Variants in ARID1A observed in about 807,000 individuals in gnomAD.
The protein encoded by ARID1A is AT-rich interaction domain 1A, also known as AT-rich interactive domain-containing protein 1A.
A neutral mutation model predicts 212.6 loss-of-function variants in ARID1A; 20 were observed. The ratio of observed to expected loss-of-function variants is 0.09; its 90% CI spans 0.07 to 0.14. The LOEUF (loss-of-function observed/expected upper bound fraction) is 0.14. Ranked by LOEUF, ARID1A falls within the 10% of genes least tolerant of loss-of-function variation. ARID1A has a pLI of 1.00. For synonymous variants in ARID1A, 1,376 were observed against 1,222.1 expected, an observed-to-expected ratio of 1.13 and a Z score of -2.63; for missense variants, 2,587 against 3,059.0, an observed-to-expected ratio of 0.85 and a Z score of 3.64.
At chr1:26,718,792 C>A (rs756359634) in intron 1 of ARID1A, among the ~76,000 whole-genome samples, 3 of 152,152 alleles carry the variant, frequency 2.0e-5, no homozygotes, top group Non-Finnish European at 2.9e-5. Context: ...CTGGCTGAAT[C>A]TGTGGATGCA....
chr1:26,714,778 A>G (rs908212787), intron 1 of ARID1A, among the ~76,000 whole-genome samples: 3 of 152,198 alleles, frequency 2.0e-5, no homozygotes, highest in Non-Finnish European at 2.9e-5. Flanking sequence ...TGTGCCTGCT[A>G]TAGTTCAGAG....
intron 1 of ARID1A, among the ~76,000 whole-genome samples, chr1:26,710,292 G>A (rs977764950): frequency 2.6e-5 from 4 of 151,376 alleles, no homozygotes; most frequent in East Asian, 2.0e-4. Flanking sequence ...AAATTAGCTA[G>A]GCGTGGTGGC....
In ARID1A at chr1:26,696,485, G is replaced by GAGC; in HGVS notation, c.92_94dup (p.Gln31dup). 1.6e-6 allele frequency: 2 copies of GAGC among 1,249,052 alleles called. No homozygotes were observed. Among genetic ancestry groups the GAGC allele is most frequent in the Non-Finnish European group, 2.0e-6 (2 of 999,518 alleles). The allele number at this position is 1,249,052 out of a possible 1,614,324, so 77.4% of individuals were successfully genotyped here. A position where few individuals can be genotyped will look rare whatever the true frequency, so the allele number is the denominator to read the frequency against. ...GCCGCCCTCGGAGCTGAAGAAAGCC[G>GAGC]AGCAGCAGCAGCGGGAGGAGGCGGG... On this transcript the variant is annotated inframe_insertion, in exon 1 of 20. Coordinates refer to ENST00000324856, the MANE Select transcript of ARID1A (RefSeq NM_006015.6).
intron 1 of ARID1A, among the ~76,000 whole-genome samples, chr1:26,704,054 A>G (rs946344484): frequency 3.9e-5 from 6 of 152,224 alleles, no homozygotes; most frequent in African/African-American, 1.4e-4. Context: ...TTGCCTTTTC[A>G]TAATGCTATT....
chr1:26,697,230 G>A lies in ARID1A; in HGVS notation c.827G>A (p.Gly276Glu), dbSNP rs2080276873. The change falls in exon 1 of 20, where the codon GGA becomes GAA. Residue 276 changes from glycine to glutamate, a missense_variant. Physicochemically the swap from Gly to Glu is moderately conservative, Grantham distance 98 (BLOSUM62 -2). Transcript: ENST00000324856. Reference protein sequence around the residue: ...FAQQRFGAMGGGGPSAAGGGT... With the variant: ...FAQQRFGAMGEGGPSAAGGGT... Reference sequence around the variant, plus strand: ...CAGCAGCGCTTCGGGGCCATGGGGGGAGGCGGCCCCTCCGCGGCCGGCGGG... The same window carrying A: ...CAGCAGCGCTTCGGGGCCATGGGGGAAGGCGGCCCCTCCGCGGCCGGCGGG... 1 of 1,376,506 alleles carries A rather than the reference G, an allele frequency of 7.3e-7. No individual in the cohort carries two copies. Among genetic ancestry groups the A allele is most frequent in the Non-Finnish European group, 9.3e-7 (1 of 1,071,524 alleles). The allele number at this position is 1,376,506 out of a possible 1,614,324, so 85.3% of individuals were successfully genotyped here. A position where few individuals can be genotyped will look rare whatever the true frequency, so the allele number is the denominator to read the frequency against.
chr1:26,781,895 A>G lies in ARID1A; in HGVS notation c.*1139A>G. The G allele has an allele frequency of 4.3e-6, 1 of 233,678 alleles. No homozygotes were observed. The highest frequency in any genetic ancestry group is 1.3e-3 in the Middle Eastern group (1 of 786). The allele number at this position is 233,678 out of a possible 1,614,324, so 14.5% of individuals were successfully genotyped here. On this transcript the variant is annotated 3_prime_UTR_variant, in exon 20 of 20. Coordinates refer to ENST00000324856, the MANE Select transcript of ARID1A (RefSeq NM_006015.6). ...TCTAATCGAGGTGTGAAAAAGTTCTAGGTTCAGTTGAAGTTCTGATGAAGA... is the reference window on the plus strand; with the variant it reads ...TCTAATCGAGGTGTGAAAAAGTTCTGGGTTCAGTTGAAGTTCTGATGAAGA...
intron 1 of ARID1A, among the ~76,000 whole-genome samples, chr1:26,699,615 T>C (rs2080312898): frequency 6.6e-6 from 1 of 152,212 alleles, no homozygotes; most frequent in Admixed American, 6.5e-5. Context: ...ACATTGTTTT[T>C]CTAGTGTCTG....
intron 4 of ARID1A, among the ~76,000 whole-genome samples, chr1:26,737,588 G>A (rs79099076): frequency 0.012 from 1,894 of 152,182 alleles, 38 homozygotes; most frequent in African/African-American, 0.044. Context: ...GCCCAGGCCC[G>A]AGCACGGTGC....
chr1:26,722,336 C>T (rs1332488591), intron 1 of ARID1A, among the ~76,000 whole-genome samples: 1 of 152,110 alleles, frequency 6.6e-6, no homozygotes, highest in African/African-American at 2.4e-5. Context: ...ACCTCTGCCT[C>T]CCAGGTTCAA....
chr1:26,724,674 T>G (rs188945241), intron 1 of ARID1A, among the ~76,000 whole-genome samples: 77 of 152,338 alleles, frequency 5.1e-4, no homozygotes, highest in African/African-American at 1.6e-3. Flanking sequence ...CAGCCGTTTT[T>G]GGGGGTCATT....
chr1:26,727,477 A>C (rs1183422486), intron 1 of ARID1A, among the ~76,000 whole-genome samples: 1 of 152,226 alleles, frequency 6.6e-6, no homozygotes, highest in Non-Finnish European at 1.5e-5. Context: ...CCCATCACAG[A>C]AAATGTTATT....
In ARID1A at chr1:26,771,076, C is replaced by T. The variant is rs765169808; in HGVS notation, c.3199-43C>T. The stretch of plus-strand genomic sequence containing the variant: ...GCTTGGGGCTTATGGGCAGGAAAAC[C>T]AGGCGGGAGATATACCTCGACTCCT... On this transcript the variant is annotated intron_variant, in intron 11 of 19. Coordinates refer to ENST00000324856, the MANE Select transcript of ARID1A (RefSeq NM_006015.6). This position sits in a 1 kb window ranked among gnomAD's most constrained non-coding sequence, Gnocchi z 5.4. 3.1e-6 allele frequency: 5 copies of T among 1,594,336 alleles called. No homozygotes were observed. The highest frequency in any genetic ancestry group is 4.3e-6 in the Non-Finnish European group (5 of 1,162,530).
At chr1:26,761,534 C>T (rs2080992316) in intron 6 of ARID1A, 61 bp downstream of exon 6, 1 of 1,526,574 alleles carries the variant, frequency 6.6e-7, no homozygotes, top group African/African-American at 1.4e-5. Context: ...GTGCCCTATG[C>T]AGTAGCTTTT....
chr1:26,713,162 ACT>A (rs1373820227), intron 1 of ARID1A, among the ~76,000 whole-genome samples: 2 of 150,888 alleles, frequency 1.3e-5, no homozygotes, highest in Non-Finnish European at 3.0e-5. Flanking sequence ...TGTGTTTTAA[ACT>A]CTATCACTTT....
chr1:26,757,833 T>C (rs964178653), intron 4 of ARID1A, among the ~76,000 whole-genome samples: 1 of 151,824 alleles, frequency 6.6e-6, no homozygotes, highest in Non-Finnish European at 1.5e-5. Context: ...CACGCCCGGG[T>C]TTTGCCATGT....
chr1:26,754,425 G>T (rs759251572), intron 4 of ARID1A, among the ~76,000 whole-genome samples: 77 of 152,276 alleles, frequency 5.1e-4, no homozygotes, highest in Middle Eastern at 3.4e-3. Flanking sequence ...AACTTATATT[G>T]CTGGTATGTT....
intron 1 of ARID1A, among the ~76,000 whole-genome samples, chr1:26,714,410 G>A (rs1411414431): frequency 6.6e-6 from 1 of 151,892 alleles, no homozygotes; most frequent in African/African-American, 2.4e-5. Context: ...TTGTTTGTTT[G>A]TTTGTTTGTT....
At chr1:26,757,446 G>C (rs994692326) in intron 4 of ARID1A, among the ~76,000 whole-genome samples, 5 of 150,600 alleles carry the variant, frequency 3.3e-5, no homozygotes, top group South Asian at 2.1e-4. Context: ...CTCCAGCCTG[G>C]GCAACAGAGT....
At chr1:26,709,483 C>T (rs2080428584) in intron 1 of ARID1A, among the ~76,000 whole-genome samples, 2 of 152,154 alleles carry the variant, frequency 1.3e-5, no homozygotes, top group African/African-American at 4.8e-5. Flanking sequence ...TTCTCAACAG[C>T]ACCCCCGACC....
Sources: allele counts gnomAD v4.1 joint callset (sites outside exome capture counted in the v4.1 genomes callset), GRCh38; gene constraint gnomAD v4.1.1; non-coding constraint Gnocchi (gnomAD v3.1); transcripts MANE v1.5; gene names NCBI Gene and HGNC (gene_info 2026-07-23, HGNC 2026-07-21).